Variants in NSD3 observed in about 807,000 individuals in gnomAD.
The protein encoded by NSD3 is nuclear receptor binding SET domain protein 3.
In NSD3, 24 loss-of-function variants were observed where a neutral mutation model predicts 160.8. The ratio of observed to expected loss-of-function variants is 0.15; its 90% CI spans 0.11 to 0.21. The LOEUF is 0.21. Among genes scored for constraint, NSD3 ranks in the 10% least tolerant of loss-of-function variants. The pLI is 1.00. For synonymous variants in NSD3, 520 were observed against 600.0 expected, an observed-to-expected ratio of 0.87 and a Z score of 1.95; for missense variants, 1,157 against 1,735.9, an observed-to-expected ratio of 0.67 and a Z score of 5.93.
At chr8:38,361,479 GGC>G (rs891726862) in intron 1 of NSD3, among the ~76,000 whole-genome samples, 5 of 151,770 alleles carry the variant, frequency 3.3e-5, no homozygotes, top group Non-Finnish European at 5.9e-5. Context: ...AAAGGGGCCG[GGC>G]GCGGTGGCTC....
rs778245445 is a variant in NSD3 at position 38,288,862 on chromosome 8, G to A, written c.3232-106C>T. On this transcript the variant is annotated intron_variant, in intron 18 of 23. Transcript: ENST00000317025. The surrounding 1 kb of genome is among the most constrained non-coding windows in gnomAD (Gnocchi z 4.5). Reference sequence around the variant, plus strand: ...CGCTACTGCCTCGTGGTGCTACTCCGAGAAAGGTTGTCTTTCCTGATGAAT... The same window carrying A: ...CGCTACTGCCTCGTGGTGCTACTCCAAGAAAGGTTGTCTTTCCTGATGAAT... 62 of 1,389,832 alleles carry A rather than the reference G, an allele frequency of 4.5e-5. No homozygotes were observed. Among genetic ancestry groups the A allele is most frequent in the Middle Eastern group, 2.5e-4 (1 of 3,966 alleles). The allele number at this position is 1,389,832 out of a possible 1,614,324, so 86.1% of individuals were successfully genotyped here. A position where few individuals can be genotyped will look rare whatever the true frequency, so the allele number is the denominator to read the frequency against.
At position 38,316,104 on chromosome 8, in the gene NSD3, G is replaced by T. The variant is rs540122742; in HGVS notation, c.1856-62C>A. The T allele has an allele frequency of 6.2e-5, 98 of 1,582,214 alleles. No homozygotes were observed. In the African/African-American group the frequency reaches 1.2e-3, roughly 19 times the overall value. On this transcript the variant is annotated intron_variant, in intron 9 of 23. Transcript: ENST00000317025. The surrounding 1 kb of genome is among the most constrained non-coding windows in gnomAD (Gnocchi z 4.5). ...ACTTAAGGTTTGTTTTAATTTTTTT[G>T]TGTGTGGGAGAATATTTTCTTTTCT...
At position 38,315,480 on chromosome 8, in the gene NSD3, T is replaced by G. The variant is rs757370648; in HGVS notation, c.2051A>C (p.Gln684Pro). 8 of 1,612,548 alleles carry G rather than the reference T, an allele frequency of 5.0e-6. No individual in the cohort carries two copies. In the South Asian group the frequency reaches 6.6e-5, roughly 13 times the overall value. The change falls in exon 11 of 24, where the codon CAG becomes CCG. Residue 684 changes from glutamine (Q) to proline (P), a missense_variant. Physicochemically the swap from Gln to Pro is moderately conservative, Grantham distance 76 (BLOSUM62 -1). Transcript: ENST00000317025. ...ATADADVSDV[Q>P]SMDSSLSRRG... is the part of the protein sequence containing the mutation. ...TCTCGACAAACTTGAATCCATGGAC[T>G]GCACATCAGAAACGTCTGCATCTGC...
chr8:38,332,811 T>G (rs982811403), intron 4 of NSD3, among the ~76,000 whole-genome samples: 3 of 150,446 alleles, frequency 2.0e-5, no homozygotes, highest in Non-Finnish European at 4.4e-5. Flanking sequence ...TTGAAAAAAG[T>G]AAAAAAAAAC....
At chr8:38,299,238 G>A (rs777306096) in intron 15 of NSD3, among the ~76,000 whole-genome samples, 1 of 152,118 alleles carries the variant, frequency 6.6e-6, no homozygotes, top group Non-Finnish European at 1.5e-5. Context: ...CAAGGGAAGA[G>A]TATGTAAAAA....
chr8:38,328,045 T>A (rs1809959567), intron 6 of NSD3, among the ~76,000 whole-genome samples: 2 of 151,996 alleles, frequency 1.3e-5, no homozygotes, highest in Non-Finnish European at 1.5e-5. Context: ...CTACAAAAAA[T>A]TTTTAAAAGG....
intron 23 of NSD3, 107 bp downstream of exon 23, chr8:38,276,189 G>T: frequency 1.5e-6 from 2 of 1,298,980 alleles, no homozygotes; most frequent in South Asian, 2.8e-5. Flanking sequence ...TTTCGCTATT[G>T]TTTGTTCTAT....
Position 38,352,263 on chromosome 8 carries a change from G to A in NSD3, c.-44-4048C>T, listed in dbSNP as rs186613914. Among the ~76,000 whole-genome samples, 25 of 152,188 alleles carry A rather than the reference G, an allele frequency of 1.6e-4. No individual in the cohort carries two copies. The East Asian group carries it at 4.4e-3, about 27-fold the overall frequency. On this transcript the variant is annotated intron_variant, in intron 1 of 23. Coordinates refer to ENST00000317025, the MANE Select transcript of NSD3 (RefSeq NM_023034.2). Reference sequence around the variant, plus strand: ...CAATTATACAGCCACTGTTTCTTCTGCTGTTAGCAAATGGAAATGATTTTG... The same window carrying A: ...CAATTATACAGCCACTGTTTCTTCTACTGTTAGCAAATGGAAATGATTTTG...
intron 16 of NSD3, among the ~76,000 whole-genome samples, chr8:38,295,101 G>A (rs949378513): frequency 3.8e-5 from 5 of 132,842 alleles, no homozygotes; most frequent in East Asian, 2.2e-4. Context: ...CCAAGATCGC[G>A]CAACTGCACT....
intron 19 of NSD3, among the ~76,000 whole-genome samples, chr8:38,282,644 C>T (rs1053387343): frequency 6.6e-6 from 1 of 152,050 alleles, no homozygotes; most frequent in African/African-American, 2.4e-5. Flanking sequence ...GCCCTCCAGC[C>T]TGGGTGACAG....
intron 5 of NSD3, among the ~76,000 whole-genome samples, chr8:38,330,175 G>C (rs1374602530): frequency 6.6e-6 from 1 of 152,158 alleles, no homozygotes; most frequent in African/African-American, 2.4e-5. Context: ...TAAAAAGCTA[G>C]TGATAATGAG....
chr8:38,369,739 TCTC>T (rs1811194189), intron 1 of NSD3, among the ~76,000 whole-genome samples: 1 of 152,142 alleles, frequency 6.6e-6, no homozygotes, highest in Non-Finnish European at 1.5e-5. Flanking sequence ...GGAACTCAGA[TCTC>T]CTTGACTCTT....
At chr8:38,365,037 C>T (rs557186953) in intron 1 of NSD3, among the ~76,000 whole-genome samples, 9 of 152,322 alleles carry the variant, frequency 5.9e-5, no homozygotes, top group Admixed American at 2.6e-4. Context: ...AAACTGACCA[C>T]GGAAATATTT....
At chr8:38,294,650 GA>G (rs1395487503) in intron 16 of NSD3, among the ~76,000 whole-genome samples, 3 of 152,070 alleles carry the variant, frequency 2.0e-5, no homozygotes, top group African/African-American at 7.2e-5. Context: ...TTAGAAATCA[GA>G]AATCAACATA....
At position 38,319,005 on chromosome 8, in the gene NSD3, G is replaced by GA. The variant is rs1809737232; in HGVS notation, c.1810-66dup. On this transcript the variant is annotated intron_variant, in intron 8 of 23. Transcript: ENST00000317025. The surrounding 1 kb of genome is among the most constrained non-coding windows in gnomAD (Gnocchi z 4.1). ...TTTCCCTTTTAATTATTAACAGAGG[G>GA]AAAAGATACTTTCATCAATCTAAGC... The GA allele has an allele frequency of 6.1e-5, 83 of 1,370,166 alleles. 1 individual carries two copies. In the South Asian group the frequency reaches 1.0e-3, roughly 17 times the overall value. The allele number at this position is 1,370,166 out of a possible 1,614,324, so 84.9% of individuals were successfully genotyped here. A position where few individuals can be genotyped will look rare whatever the true frequency, so the allele number is the denominator to read the frequency against.
intron 2 of NSD3, among the ~76,000 whole-genome samples, chr8:38,342,383 GA>G (rs1810396570): frequency 6.6e-6 from 1 of 152,074 alleles, no homozygotes. Flanking sequence ...AAACATCAGA[GA>G]AAAAGATGAC....
At chr8:38,359,542 C>T (rs747836549) in intron 1 of NSD3, among the ~76,000 whole-genome samples, 1 of 152,172 alleles carries the variant, frequency 6.6e-6, no homozygotes, top group Non-Finnish European at 1.5e-5. Flanking sequence ...AACCAACCAC[C>T]TGGTTCTAAG....
Position 38,329,920 on chromosome 8 carries a change from C to T in NSD3, c.1066-27G>A, listed in dbSNP as rs1251214344. ...TTTAAAAAAGATAGAGATTATCAGA[C>T]ATGCTTTACTCTAATAGGTACATTA... On this transcript the variant is annotated intron_variant, in intron 5 of 23. Coordinates refer to ENST00000317025, the MANE Select transcript of NSD3 (RefSeq NM_023034.2). The surrounding 1 kb of genome is among the most constrained non-coding windows in gnomAD (Gnocchi z 4.8). 2 of 1,540,700 alleles carry T rather than the reference C, an allele frequency of 1.3e-6. No individual in the cohort carries two copies. Among genetic ancestry groups the T allele is most frequent in the Non-Finnish European group, 1.7e-6 (2 of 1,153,050 alleles).
chr8:38,295,562 A>C (rs535280830), intron 16 of NSD3, among the ~76,000 whole-genome samples: 2 of 152,162 alleles, frequency 1.3e-5, no homozygotes, highest in Non-Finnish European at 2.9e-5. Context: ...CCTCACAAAC[A>C]ATCAACCAAC....
Sources: gnomAD v4.1 joint callset for allele counts (sites outside exome capture counted in the v4.1 genomes callset) on GRCh38, gnomAD v4.1.1 for gene constraint, Gnocchi (gnomAD v3.1) non-coding constraint, MANE v1.5 for transcripts, NCBI Gene and HGNC (gene_info 2026-07-23, HGNC 2026-07-21) for gene names.